The following ADAMTS9 variants were observed in gnomAD, a reference collection of about 807,000 sequenced individuals.
The protein encoded by ADAMTS9 is A disintegrin and metalloproteinase with thrombospondin motifs 9.
ADAMTS9 carries 107 observed loss-of-function variants against 257.1 expected under a neutral mutation model. The ratio of observed to expected loss-of-function variants is 0.42; its 90% CI spans 0.36 to 0.49. The LOEUF is 0.49. Among genes scored for constraint, ADAMTS9 ranks in the 20% least tolerant of loss-of-function variants. ADAMTS9 has a pLI of 0.03. For missense variants in ADAMTS9, 2,353 were observed against 2,469.1 expected (o/e 0.95, Z 1.00); for synonymous variants, 982 against 880.9 (o/e 1.11, Z -2.03).
chr3:64,551,119 G>A, intron 30 of ADAMTS9, 57 bp from the exon 31 acceptor site: 1 of 1,557,300 alleles, frequency 6.4e-7, no homozygotes, highest in Non-Finnish European at 8.8e-7. Context: ...TCCTATGACT[G>A]TAATTATGTG....
chr3:64,549,046 T>C lies in ADAMTS9; in HGVS notation c.4869+1846A>G, dbSNP rs546367665. Among the ~76,000 whole-genome samples the C allele has an allele frequency of 3.3e-5, 5 of 152,252 alleles. No homozygotes were observed. In the East Asian group the frequency reaches 5.8e-4, roughly 18 times the overall value. ...AACACACAAAGAAGCCTCCAGGTAATAGAGGTCCCAGAGAGAAGGCATGTC... is the reference window on the plus strand; with the variant it reads ...AACACACAAAGAAGCCTCCAGGTAACAGAGGTCCCAGAGAGAAGGCATGTC... On this transcript the variant is annotated intron_variant, in intron 31 of 39. Transcript: ENST00000498707.
intron 3 of ADAMTS9, 53 bp from the exon 4 acceptor site, chr3:64,658,844 T>A (rs1441660413): frequency 1.3e-6 from 2 of 1,519,320 alleles, no homozygotes; most frequent in African/African-American, 2.8e-5. Context: ...CTATTTTATA[T>A]TAAGAATTTA....
At chr3:64,607,116 C>G in intron 22 of ADAMTS9, 37 bp from the exon 23 acceptor site, 1 of 1,605,680 alleles carries the variant, frequency 6.2e-7, no homozygotes, top group Non-Finnish European at 8.5e-7. Flanking sequence ...TACAATTCAG[C>G]AAATCTTCTC....
chr3:64,639,905 CAATCTGAAA>C (rs940075084), intron 12 of ADAMTS9, among the ~76,000 whole-genome samples: 3 of 152,152 alleles, frequency 2.0e-5, no homozygotes, highest in Non-Finnish European at 4.4e-5. Context: ...TTTACATCCA[CAATCTGAAA>C]AGTCTGAAAT....
In ADAMTS9 at chr3:64,517,415, G is replaced by GTTTTTTTTT. The variant is rs1242670245; in HGVS notation, c.*6-295_*6-294insAAAAAAAAA. On this transcript the variant is annotated intron_variant, in intron 39 of 39. Coordinates refer to ENST00000498707, the MANE Select transcript of ADAMTS9 (RefSeq NM_182920.2). The stretch of plus-strand genomic sequence containing the variant: ...CCATCAAGCCCAGCTAATTAAAAAT[G>GTTTTTTTTT]GTTTTTTTTTTTTTTTTTTTTTTTG... Among the ~76,000 whole-genome samples, 10 of 11,566 alleles carry GTTTTTTTTT rather than the reference G, an allele frequency of 8.6e-4. 1 individual carries two copies. The highest frequency in any genetic ancestry group is 1.4e-3 in the African/African-American group (10 of 6,932). 7.6% of individuals were successfully genotyped at this position (11,566 alleles called of 152,430 possible).
intron 28 of ADAMTS9, among the ~76,000 whole-genome samples, chr3:64,580,545 A>G (rs769437865): frequency 6.6e-6 from 1 of 152,272 alleles, no homozygotes; most frequent in East Asian, 1.9e-4. Flanking sequence ...TTCCTTACAA[A>G]TGTACTAATT....
intron 2 of ADAMTS9, among the ~76,000 whole-genome samples, chr3:64,684,170 TGTGA>T (rs965958756): frequency 1.3e-5 from 2 of 152,130 alleles, no homozygotes; most frequent in African/African-American, 2.4e-5. Context: ...GACATGTGGA[TGTGA>T]GTGAGTGCAC....
intron 21 of ADAMTS9, 42 bp from the exon 22 acceptor site, chr3:64,613,551 A>G: frequency 6.3e-7 from 1 of 1,585,384 alleles, no homozygotes; most frequent in East Asian, 2.3e-5. Context: ...TTTCTGATCA[A>G]TGTGTTGTGG....
chr3:64,533,354 T>C lies in ADAMTS9; in HGVS notation c.5614-84A>G, dbSNP rs182282316. ...AAGGCAAAGGTGATACAATAAAAGGTACTTTGGAAAAGAGAAGGATGTTGA... is the reference window on the plus strand; with the variant it reads ...AAGGCAAAGGTGATACAATAAAAGGCACTTTGGAAAAGAGAAGGATGTTGA... On this transcript the variant is annotated intron_variant, in intron 37 of 39. Coordinates refer to ENST00000498707, the MANE Select transcript of ADAMTS9 (RefSeq NM_182920.2). 78 of 1,051,984 alleles carry C rather than the reference T, an allele frequency of 7.4e-5. No individual in the cohort carries two copies. In the East Asian group the frequency reaches 1.8e-3, roughly 24 times the overall value. The allele number at this position is 1,051,984 out of a possible 1,614,324, so 65.2% of individuals were successfully genotyped here. A position where few individuals can be genotyped will look rare whatever the true frequency, so the allele number is the denominator to read the frequency against.
chr3:64,624,713 T>C (rs994717978), intron 16 of ADAMTS9, among the ~76,000 whole-genome samples: 2 of 152,364 alleles, frequency 1.3e-5, no homozygotes, highest in Non-Finnish European at 1.5e-5. Flanking sequence ...AAAATATTTA[T>C]CAATTGCCTT....
intron 30 of ADAMTS9, among the ~76,000 whole-genome samples, chr3:64,560,067 T>C (rs1436806801): frequency 3.3e-5 from 5 of 152,212 alleles, no homozygotes; most frequent in African/African-American, 9.6e-5. Flanking sequence ...CACTATTACC[T>C]CCAGTTTTCT....
At chr3:64,638,782 G>A (rs1221141406) in intron 12 of ADAMTS9, among the ~76,000 whole-genome samples, 2 of 151,798 alleles carry the variant, frequency 1.3e-5, no homozygotes, top group Admixed American at 6.6e-5. Context: ...TGGCTTTTAC[G>A]CTTTCAGGGG....
At chr3:64,654,946 G>A (rs1380391417) in intron 6 of ADAMTS9, among the ~76,000 whole-genome samples, 1 of 152,160 alleles carries the variant, frequency 6.6e-6, no homozygotes, top group African/African-American at 2.4e-5. Context: ...GAAGGTGCAA[G>A]ATACCTTTGT....
chr3:64,579,219 A>G (rs560931551), intron 28 of ADAMTS9, among the ~76,000 whole-genome samples: 1 of 152,234 alleles, frequency 6.6e-6, no homozygotes, highest in African/African-American at 2.4e-5. Flanking sequence ...CTTTGGTATC[A>G]CTAAGAGATG....
chr3:64,642,608 A>G (rs1700678650), intron 11 of ADAMTS9, among the ~76,000 whole-genome samples: 1 of 152,202 alleles, frequency 6.6e-6, no homozygotes, highest in African/African-American at 2.4e-5. Flanking sequence ...GAAGGCCATG[A>G]CGTTTAAAAA....
At chr3:64,517,429 T>TTTTTTTTTTTTTTTTTTTTTTTTTTTTTG (rs1321284198) in intron 39 of ADAMTS9, among the ~76,000 whole-genome samples, 2 of 130,598 alleles carry the variant, frequency 1.5e-5, no homozygotes, top group African/African-American at 2.7e-5. Context: ...TTTTTTTTTT[T>TTTTTTTTTTTTTTTTTTTTTTTTTTTTTG]TTTTTTTTTT....
At chr3:64,569,373 G>C (rs572765545) in intron 28 of ADAMTS9, among the ~76,000 whole-genome samples, 81 of 152,140 alleles carry the variant, frequency 5.3e-4, no homozygotes, top group Non-Finnish European at 1.0e-3. Context: ...ATAAGCTGCT[G>C]GCTCGGGTTT....
At chr3:64,579,878 T>C (rs2083949785) in intron 28 of ADAMTS9, among the ~76,000 whole-genome samples, 1 of 152,130 alleles carries the variant, frequency 6.6e-6, no homozygotes, top group Non-Finnish European at 1.5e-5. Flanking sequence ...CAGAACTAAA[T>C]GCACAGGCGA....
intron 3 of ADAMTS9, among the ~76,000 whole-genome samples, chr3:64,672,312 G>A (rs1701510850): frequency 1.3e-5 from 2 of 152,186 alleles, no homozygotes; most frequent in Non-Finnish European, 2.9e-5. Context: ...CAAGAAACAG[G>A]GAAAGGTCCT....
Sources: allele counts gnomAD v4.1 joint callset (sites outside exome capture counted in the v4.1 genomes callset), GRCh38; gene constraint gnomAD v4.1.1; transcripts MANE v1.5; gene names NCBI Gene and HGNC (gene_info 2026-07-23, HGNC 2026-07-21).